The following SLC9A6 variants were observed in gnomAD, a reference collection of about 807,000 sequenced individuals.
SLC9A6 encodes the protein solute carrier family 9 member A6, also known as sodium/hydrogen exchanger 6.
In SLC9A6, 6 loss-of-function variants were observed where a neutral mutation model predicts 45.3. The ratio of observed to expected loss-of-function variants is 0.13; its 90% CI spans 0.07 to 0.26. SLC9A6 has a LOEUF of 0.26. SLC9A6 is among the 10% of genes least tolerant of loss of function. The probability of loss-of-function intolerance (pLI) is 1.00; values close to 1 mark genes in which losing one functional copy is unlikely to be tolerated. For missense variants in SLC9A6, 278 were observed against 503.7 expected (o/e 0.55, Z 4.29); for synonymous variants, 191 against 187.7 (o/e 1.02, Z -0.14).
chrX:136,031,329 CAG>C, intron 15 of SLC9A6, among the ~76,000 whole-genome samples: 1 of 112,656 alleles, frequency 8.9e-6, no homozygotes, highest in Non-Finnish European at 1.9e-5. Flanking sequence ...AAAGGAGTGA[CAG>C]GGAGAGAGCC....
In SLC9A6 at chrX:135,998,895, G is replaced by C. The variant is rs782216766; in HGVS notation, c.564G>C (p.Thr188=). 8.3e-7 allele frequency: 1 copy of C among 1,208,953 alleles called. No homozygotes were observed. Among genetic ancestry groups the C allele is most frequent in the South Asian group, 1.8e-5 (1 of 56,934 alleles). Residue 188 remains threonine, a synonymous_variant, in exon 6 of 18, where the codon ACG becomes ACC. Coordinates refer to ENST00000630721, the MANE Select transcript of SLC9A6 (RefSeq NM_001379110.1). The part of the protein sequence containing the change: ...MYGCVTLMKV[T]GQLAGDFYFT... ...GCTGTGTAACGCTGATGAAGGTAAC[G>C]GGACAACTTGCAGGAGATTTTTACT...
chrX:135,977,176 C>T (rs914906917), intron 1 of SLC9A6, among the ~76,000 whole-genome samples: 1 of 112,147 alleles, frequency 8.9e-6, no homozygotes. Flanking sequence ...TGAGAAAGTG[C>T]ATTTAAATTC....
At chrX:136,023,433 T>C (rs2071172859) in intron 12 of SLC9A6, among the ~76,000 whole-genome samples, 1 of 106,231 alleles carries the variant, frequency 9.4e-6, no homozygotes, top group Non-Finnish European at 1.9e-5. Context: ...AATCAAACTG[T>C]GATACATCCA....
intron 11 of SLC9A6, 41 bp downstream of exon 11, chrX:136,016,799 T>C (rs781845008): frequency 2.6e-6 from 2 of 780,576 alleles, no homozygotes. Flanking sequence ...ATATTTTTAA[T>C]TGAGATTTTC....
intron 4 of SLC9A6, 137 bp downstream of exon 4, chrX:135,998,322 A>T: frequency 3.6e-6 from 2 of 560,214 alleles, no homozygotes; most frequent in South Asian, 2.9e-5. Flanking sequence ...AGATGCTGAA[A>T]TTTATACCTG....
intron 7 of SLC9A6, among the ~76,000 whole-genome samples, chrX:136,008,492 C>T (rs2070861070): frequency 8.9e-6 from 1 of 112,023 alleles, no homozygotes. Flanking sequence ...CCGCCTGCCT[C>T]GGCCTCCCAA....
chrX:135,996,116 C>G (rs1556616470), intron 3 of SLC9A6, among the ~76,000 whole-genome samples: 2 of 104,600 alleles, frequency 1.9e-5, no homozygotes, highest in African/African-American at 7.0e-5. Flanking sequence ...TCTGCAACCC[C>G]CGCCTCCCAG....
chrX:136,024,853 T>C (rs980293376), intron 13 of SLC9A6, among the ~76,000 whole-genome samples: 4 of 111,917 alleles, frequency 3.6e-5, no homozygotes, highest in South Asian at 7.4e-4. Flanking sequence ...ATCAAAACCC[T>C]GTTGTTGGAC....
intron 12 of SLC9A6, among the ~76,000 whole-genome samples, chrX:136,024,117 C>G (rs1237498658): frequency 9.0e-6 from 1 of 111,674 alleles, no homozygotes; most frequent in East Asian, 2.8e-4. Flanking sequence ...GAACTCCTGA[C>G]CTCAGGTGAT....
At chrX:136,043,121 G>A (rs1193819280) in intron 17 of SLC9A6, among the ~76,000 whole-genome samples, 2 of 112,135 alleles carry the variant, frequency 1.8e-5, no homozygotes, top group Non-Finnish European at 3.8e-5. Flanking sequence ...AGGAGCCACA[G>A]AGCTTGTGAG....
At position 135,985,461 on chromosome X, in the gene SLC9A6, G is replaced by A. The variant is rs1047849918; in HGVS notation, c.-73G>A. ...AGCCCTCGGGGAGTGGTCCGACCGC[G>A]GGCGGCCGCCGGTGAGGTAGGGGCG... On this transcript the variant is annotated 5_prime_UTR_variant, in exon 1 of 18. Transcript: ENST00000630721. The A allele has an allele frequency of 1.0e-6, 1 of 993,008 alleles. No homozygotes were observed. The highest frequency in any genetic ancestry group is 1.3e-6 in the Non-Finnish European group (1 of 774,445). The allele number at this position is 993,008 out of a possible 1,213,427, so 81.8% of individuals were successfully genotyped here.
chrX:135,975,755 A>G (rs910068918), intron 1 of SLC9A6, among the ~76,000 whole-genome samples: 1 of 112,063 alleles, frequency 8.9e-6, no homozygotes, highest in African/African-American at 3.2e-5. Flanking sequence ...ACATTTTGAC[A>G]ACCTTTTGAT....
intron 16 of SLC9A6, 28 bp downstream of exon 16, chrX:136,033,521 A>G: frequency 3.4e-6 from 3 of 874,081 alleles, no homozygotes; most frequent in Non-Finnish European, 3.3e-6. Context: ...AAAAAAAAAA[A>G]GGATAATGTG....
At chrX:135,974,668 G>A (rs1556613128) in exon 1 of SLC9A6, 1 of 341,779 alleles carries the variant, frequency 2.9e-6, no homozygotes, top group South Asian at 2.6e-5. Context: ...CCTGGAAACT[G>A]GCACTGCAGA....
chrX:136,020,244 T>G (rs1556619767), intron 11 of SLC9A6, among the ~76,000 whole-genome samples: 1 of 111,973 alleles, frequency 8.9e-6, no homozygotes, highest in East Asian at 2.8e-4. Context: ...GGGAGTTAGG[T>G]TCCACCTCCT....
chrX:136,015,910 A>G (rs1245707002), intron 10 of SLC9A6, among the ~76,000 whole-genome samples: 1 of 111,165 alleles, frequency 9.0e-6, no homozygotes, highest in Non-Finnish European at 1.9e-5. Context: ...TCTGGTGGCC[A>G]GAGGGACACG....
intron 5 of SLC9A6, 95 bp downstream of exon 5, chrX:135,998,653 G>C: frequency 1.4e-6 from 1 of 728,074 alleles, no homozygotes; most frequent in Non-Finnish European, 2.1e-6. Context: ...ATTCCTGACT[G>C]GGTCTAAAGA....
chrX:136,022,199 A>T (rs2071138959), intron 11 of SLC9A6, among the ~76,000 whole-genome samples: 1 of 112,163 alleles, frequency 8.9e-6, no homozygotes, highest in Admixed American at 9.5e-5. Flanking sequence ...TCTATTAATA[A>T]TCTTAAAAGT....
intron 8 of SLC9A6, among the ~76,000 whole-genome samples, chrX:136,011,165 C>T (rs781946460): frequency 8.9e-6 from 1 of 112,598 alleles, no homozygotes; most frequent in South Asian, 3.7e-4. Context: ...CCGGACTTCA[C>T]CACCATGCAA....
Sources: gnomAD v4.1 joint callset for allele counts (sites outside exome capture counted in the v4.1 genomes callset) on GRCh38, gnomAD v4.1.1 for gene constraint, MANE v1.5 for transcripts, NCBI Gene and HGNC (gene_info 2026-07-23, HGNC 2026-07-21) for gene names.